EDARADD: variants seen among roughly 807,000 people sequenced by gnomAD.
EDARADD encodes the protein EDAR associated via death domain.
EDARADD carries 20 observed loss-of-function variants against 25.6 expected under a neutral mutation model. The ratio of observed to expected loss-of-function variants is 0.78; its 90% CI spans 0.55 to 1.14. EDARADD has a LOEUF of 1.14. EDARADD is among the 50% of genes most tolerant of loss of function. EDARADD has a pLI of 0.00. For synonymous variants in EDARADD, 86 were observed against 94.4 expected, an observed-to-expected ratio of 0.91 and a Z score of 0.52; for missense variants, 225 against 270.1, an observed-to-expected ratio of 0.83 and a Z score of 1.17.
In EDARADD at chr1:236,476,594, C is replaced by T. The variant is rs373009505; in HGVS notation, c.266-5673C>T. On this transcript the variant is annotated intron_variant, in intron 5 of 5. Coordinates refer to ENST00000334232, the MANE Select transcript of EDARADD (RefSeq NM_145861.4). ...AGGCTGGAGTGCAGTGGCACGATCT[C>T]GGTTCACTGCAACCTCTGCCTCCTG... Among the ~76,000 whole-genome samples the T allele has an allele frequency of 1.4e-3, 208 of 151,790 alleles. 2 individuals carry two copies. In the Middle Eastern group the frequency reaches 0.034, roughly 25 times the overall value.
rs150281969 is a variant in EDARADD, at chr1:236,481,849, C to T, written c.266-418C>T. 2.5e-3 allele frequency among the ~76,000 whole-genome samples: 380 copies of T among 150,992 alleles called. 1 individual carries two copies. The highest frequency in any genetic ancestry group is 9.1e-3 in the African/African-American group (373 of 41,170). On this transcript the variant is annotated intron_variant, in intron 5 of 5. Coordinates refer to ENST00000334232, the MANE Select transcript of EDARADD (RefSeq NM_145861.4). Reference sequence around the variant, plus strand: ...CATTCTGAGGCCAGGCACGGTGGCTCATGCCTATAATCGCAGCACTTTGGG... The same window carrying T: ...CATTCTGAGGCCAGGCACGGTGGCTTATGCCTATAATCGCAGCACTTTGGG...
chr1:236,437,151 T>G (rs1374615696), intron 4 of EDARADD, among the ~76,000 whole-genome samples: 1 of 152,144 alleles, frequency 6.6e-6, no homozygotes, highest in Admixed American at 6.5e-5. Context: ...GCAAGTACAC[T>G]AAGAAAATCC....
chr1:236,366,833 T>G (rs1399928315), intron 3 of EDARADD, among the ~76,000 whole-genome samples: 2 of 151,828 alleles, frequency 1.3e-5, no homozygotes, highest in East Asian at 3.9e-4. Flanking sequence ...ATCCAGCACT[T>G]TGGGAGCCCG....
At chr1:236,427,581 T>G in intron 4 of EDARADD, 131 bp downstream of exon 4, 2 of 836,696 alleles carry the variant, frequency 2.4e-6, no homozygotes, top group Non-Finnish European at 3.8e-6. Context: ...GGTTTGCAAA[T>G]GGTCTCTAAG....
chr1:236,418,063 C>T (rs2103012159), intron 3 of EDARADD, among the ~76,000 whole-genome samples: 1 of 151,398 alleles, frequency 6.6e-6, no homozygotes, highest in South Asian at 2.1e-4. Context: ...ACGCCATTCT[C>T]CTGCCTCAGC....
chr1:236,354,368 CT>C (rs1300927568), intron 3 of EDARADD, among the ~76,000 whole-genome samples: 2 of 152,180 alleles, frequency 1.3e-5, no homozygotes, highest in Admixed American at 6.5e-5. Context: ...CCCTTCTTGG[CT>C]CTGTGACCTT....
intron 4 of EDARADD, among the ~76,000 whole-genome samples, chr1:236,443,810 C>G (rs1296300413): frequency 6.6e-6 from 1 of 152,096 alleles, no homozygotes; most frequent in East Asian, 1.9e-4. Context: ...AAATAATGCA[C>G]GAAGCAGGGG....
At chr1:236,359,449 G>T (rs901133440) in intron 3 of EDARADD, among the ~76,000 whole-genome samples, 1 of 152,166 alleles carries the variant, frequency 6.6e-6, no homozygotes, top group African/African-American at 2.4e-5. Flanking sequence ...GTGCCATCTT[G>T]GGAGCAGAGA....
At chr1:236,472,938 A>AT (rs199601867) in intron 5 of EDARADD, among the ~76,000 whole-genome samples, 3 of 152,174 alleles carry the variant, frequency 2.0e-5, no homozygotes, top group African/African-American at 7.2e-5. Flanking sequence ...GTTAACACCA[A>AT]AAAAACTTGC....
intron 3 of EDARADD, among the ~76,000 whole-genome samples, chr1:236,425,792 T>C (rs890894934): frequency 2.0e-5 from 3 of 152,096 alleles, no homozygotes; most frequent in Admixed American, 6.5e-5. Flanking sequence ...AACACAGCAT[T>C]GCATAGGCCA....
chr1:236,375,638 A>G (rs771400061), intron 3 of EDARADD, among the ~76,000 whole-genome samples: 14 of 141,054 alleles, frequency 9.9e-5, no homozygotes, highest in Non-Finnish European at 1.1e-4. Flanking sequence ...CCTGGGCAAC[A>G]GAGTGAGACT....
intron 3 of EDARADD, among the ~76,000 whole-genome samples, chr1:236,378,206 TCAG>T (rs780869248): frequency 1.1e-3 from 162 of 152,306 alleles, no homozygotes; most frequent in Non-Finnish European, 1.9e-3. Context: ...TCTTCTAAGA[TCAG>T]GCCTTGTTAA....
rs538112178 is a variant in EDARADD at position 236,457,593 on chromosome 1, G to A, written c.220-10638G>A. ...CCCAGCACTTTGGGAGGCTGAGGGGGGCGGACGAAGAGGTCAGGAGATAGA... is the reference window on the plus strand; with the variant it reads ...CCCAGCACTTTGGGAGGCTGAGGGGAGCGGACGAAGAGGTCAGGAGATAGA... On this transcript the variant is annotated intron_variant, in intron 4 of 5. Coordinates refer to ENST00000334232, the MANE Select transcript of EDARADD (RefSeq NM_145861.4). 1.3e-4 allele frequency among the ~76,000 whole-genome samples: 20 copies of A among 152,154 alleles called. No homozygotes were observed. In the South Asian group the frequency reaches 4.2e-3, roughly 32 times the overall value.
chr1:236,475,115 A>G (rs1659466709), intron 5 of EDARADD, among the ~76,000 whole-genome samples: 1 of 152,110 alleles, frequency 6.6e-6, no homozygotes, highest in Non-Finnish European at 1.5e-5. Flanking sequence ...CCTGGGCAAC[A>G]AGAGCGAGAC....
Position 236,351,578 on chromosome 1 carries a change from C to T in EDARADD, c.-6+739C>T, listed in dbSNP as rs528375589. Among the ~76,000 whole-genome samples, 112 of 151,740 alleles carry T rather than the reference C, an allele frequency of 7.4e-4. 2 individuals are homozygous for T. Among genetic ancestry groups the T allele is most frequent in the South Asian group, 2.9e-3 (14 of 4,780 alleles). On this transcript the variant is annotated intron_variant, in intron 3 of 7. Transcript: ENST00000439430. ...TACAAAAATTAGCCGGGCGTGGTGGCGCATGCCTGTAATCCCAGCTACTCG... is the reference window on the plus strand; with the variant it reads ...TACAAAAATTAGCCGGGCGTGGTGGTGCATGCCTGTAATCCCAGCTACTCG...
chr1:236,482,672 G>T lies in EDARADD; in HGVS notation c.*23G>T. On this transcript the variant is annotated 3_prime_UTR_variant, in exon 6 of 6. Transcript: ENST00000334232. ...TAGAGCTCTTCTTCTTCCTTCATTG[G>T]CCTCTCCGGATGTTGAAACAACCAC... 3 of 1,610,400 alleles carry T rather than the reference G, an allele frequency of 1.9e-6. No individual in the cohort carries two copies. In the African/African-American group the frequency reaches 4.0e-5, roughly 21 times the overall value.
At chr1:236,440,020 G>T (rs955514605) in intron 4 of EDARADD, among the ~76,000 whole-genome samples, 1 of 152,096 alleles carries the variant, frequency 6.6e-6, no homozygotes, top group Non-Finnish European at 1.5e-5. Context: ...GTTAATTTTT[G>T]TGAGAGTTTA....
chr1:236,355,645 G>A (rs12120409), intron 3 of EDARADD, among the ~76,000 whole-genome samples: 15 of 151,540 alleles, frequency 9.9e-5, no homozygotes, highest in African/African-American at 3.4e-4. Context: ...AAGTAGCTGA[G>A]ATTACAGGTG....
intron 3 of EDARADD, among the ~76,000 whole-genome samples, chr1:236,426,220 C>T (rs913671036): frequency 6.6e-6 from 1 of 152,146 alleles, no homozygotes; most frequent in African/African-American, 2.4e-5. Flanking sequence ...TCAAGTGCTC[C>T]TCCTGCCTCA....
Sources: gnomAD v4.1 joint callset for allele counts (sites outside exome capture counted in the v4.1 genomes callset) on GRCh38, gnomAD v4.1.1 for gene constraint, MANE v1.5 for transcripts, NCBI Gene and HGNC (gene_info 2026-07-23, HGNC 2026-07-21) for gene names.